DRAXIN: variants seen among roughly 807,000 people sequenced by gnomAD.
DRAXIN encodes the protein dorsal inhibitory axon guidance protein.
A neutral mutation model predicts 33.9 loss-of-function variants in DRAXIN; 27 were observed. That is an observed-to-expected ratio of 0.80 (90% CI 0.59 to 1.10). DRAXIN has a LOEUF of 1.10. Among genes scored for constraint, DRAXIN ranks in the 50% least tolerant of loss-of-function variants. The probability of loss-of-function intolerance (pLI) is 0.00; values close to 1 mark genes in which losing one functional copy is unlikely to be tolerated. For synonymous variants in DRAXIN, 178 were observed against 194.0 expected (o/e 0.92, Z 0.69); for missense variants, 371 against 460.8 (o/e 0.81, Z 1.78).
In DRAXIN at chr1:11,710,758, C is replaced by CAAA. The variant is rs1222886420; in HGVS notation, c.643-1079_643-1077dup. Among the ~76,000 whole-genome samples the CAAA allele has an allele frequency of 8.1e-3, 853 of 105,244 alleles. 18 individuals are homozygous for CAAA. Among genetic ancestry groups the CAAA allele is most frequent in the African/African-American group, 0.024 (703 of 28,812 alleles). 69.0% of individuals were successfully genotyped at this position (105,244 alleles called of 152,430 possible). A position where few individuals can be genotyped will look rare whatever the true frequency, so the allele number is the denominator to read the frequency against. On this transcript the variant is annotated intron_variant, in intron 3 of 6. Coordinates refer to ENST00000294485, the MANE Select transcript of DRAXIN (RefSeq NM_198545.4). The stretch of plus-strand genomic sequence containing the variant: ...TGAAACCCCATCTCTACTAAAAATA[C>CAAA]AAAAAAAAAAAAAAAATAGCCGGGC...
At position 11,705,645 on chromosome 1, in the gene DRAXIN, C is replaced by T. The variant is rs1172357520; in HGVS notation, c.-10-604C>T. 6.6e-6 allele frequency among the ~76,000 whole-genome samples: 1 copy of T among 152,202 alleles called. No homozygotes were observed. Among genetic ancestry groups the T allele is most frequent in the Non-Finnish European group, 1.5e-5 (1 of 68,038 alleles). On this transcript the variant is annotated intron_variant, in intron 1 of 6. Coordinates refer to ENST00000294485, the MANE Select transcript of DRAXIN (RefSeq NM_198545.4). The surrounding 1 kb of genome is among the most constrained non-coding windows in gnomAD (Gnocchi z 4.8). ...ACTTACTAGGTGTGACTTAACCTCT[C>T]TGAGCCTTCATTGCCACTTCAGAAA...
chr1:11,697,519 G>A (rs1641211074), intron 1 of DRAXIN, among the ~76,000 whole-genome samples: 1 of 152,198 alleles, frequency 6.6e-6, no homozygotes, highest in East Asian at 1.9e-4. Context: ...CATGGGCTAG[G>A]TCCCCTAATA....
At chr1:11,713,198 CA>C (rs58232887) in intron 5 of DRAXIN, among the ~76,000 whole-genome samples, 52,425 of 144,762 alleles carry the variant, frequency 0.36, 10,637 homozygotes, top group African/African-American at 0.58. Context: ...AATTCCGTCT[CA>C]AAAAAAAAAA....
Position 11,720,658 on chromosome 1 carries a change from G to A in DRAXIN, c.*962G>A, listed in dbSNP as rs1450308564. The A allele has an allele frequency of 6.6e-6, 1 of 150,942 alleles. No individual in the cohort carries two copies. Among genetic ancestry groups the A allele is most frequent in the Non-Finnish European group, 1.5e-5 (1 of 68,048 alleles). The allele number at this position is 150,942 out of a possible 1,614,324, so 9.4% of individuals were successfully genotyped here. ...CTCTGTGCTCTAACAAGCTCCCAGG[G>A]AACGCGAGGCTGCTGGCCCAGGGAC... On this transcript the variant is annotated 3_prime_UTR_variant, in exon 7 of 7. Transcript: ENST00000294485.
At chr1:11,719,538 C>A in intron 6 of DRAXIN, 46 bp from the exon 7 acceptor site, 2 of 1,520,062 alleles carry the variant, frequency 1.3e-6, no homozygotes, top group South Asian at 1.2e-5. Context: ...AAGGGGAGGG[C>A]ACGGGCCCTT....
At position 11,692,952 on chromosome 1, in the gene DRAXIN, G is replaced by A. The variant is rs1270391808; in HGVS notation, c.-11+1099G>A. On this transcript the variant is annotated intron_variant, in intron 1 of 6. Transcript: ENST00000294485. The surrounding 1 kb of genome is among the most constrained non-coding windows in gnomAD (Gnocchi z 5.8). ...TTCACACACCCTGTGGAGGAAGGGA[G>A]GGGAGGGGAGGGGAGTCTACAGACC... Among the ~76,000 whole-genome samples the A allele has an allele frequency of 1.3e-5, 2 of 151,918 alleles. No homozygotes were observed. Among genetic ancestry groups the A allele is most frequent in the Non-Finnish European group, 2.9e-5 (2 of 67,962 alleles).
chr1:11,711,561 C>T (rs567476703), intron 3 of DRAXIN, among the ~76,000 whole-genome samples: 5 of 152,360 alleles, frequency 3.3e-5, no homozygotes, highest in African/African-American at 1.2e-4. Flanking sequence ...CCTTCCCAGC[C>T]TGCAGGTGGT....
At chr1:11,691,948 G>A (rs1046127220) in intron 1 of DRAXIN, 95 bp downstream of exon 1, 1 of 151,944 alleles carries the variant, frequency 6.6e-6, no homozygotes, top group Non-Finnish European at 1.5e-5. Flanking sequence ...GCGCCCAGGG[G>A]CGGGGTGCGC....
chr1:11,714,450 G>A (rs1641543214), intron 5 of DRAXIN, among the ~76,000 whole-genome samples: 1 of 152,232 alleles, frequency 6.6e-6, no homozygotes, highest in African/African-American at 2.4e-5. Flanking sequence ...GGGCCAAGGT[G>A]GCCCTGAAGC....
intron 1 of DRAXIN, among the ~76,000 whole-genome samples, chr1:11,693,770 C>T (rs1002732325): frequency 9.2e-5 from 14 of 152,320 alleles, no homozygotes; most frequent in African/African-American, 3.1e-4. Flanking sequence ...GAACCTTGCT[C>T]AGGTCCTCTC....
intron 1 of DRAXIN, among the ~76,000 whole-genome samples, chr1:11,695,772 C>T (rs1322342453): frequency 1.3e-5 from 2 of 152,088 alleles, no homozygotes; most frequent in African/African-American, 4.8e-5. Flanking sequence ...CTGAGGGTTG[C>T]TTCCCCCACC....
chr1:11,715,673 G>C (rs913101043), intron 6 of DRAXIN, among the ~76,000 whole-genome samples: 3 of 152,164 alleles, frequency 2.0e-5, no homozygotes, highest in Admixed American at 6.5e-5. Context: ...CACTTGCCCA[G>C]CTGCCTCTTC....
At position 11,711,709 on chromosome 1, in the gene DRAXIN, C is replaced by T. The variant is rs114057756; in HGVS notation, c.643-142C>T. The T allele has an allele frequency of 5.7e-3, 4,032 of 708,658 alleles. 27 individuals carry two copies. Among genetic ancestry groups the T allele is most frequent in the Non-Finnish European group, 6.8e-3 (2,869 of 419,762 alleles). 43.9% of individuals were successfully genotyped at this position (708,658 alleles called of 1,614,324 possible). On this transcript the variant is annotated intron_variant, in intron 3 of 6. Transcript: ENST00000294485. The stretch of plus-strand genomic sequence containing the variant: ...AGCCTCCGGCAGCCATCTTTATGTC[C>T]TTGGGCTGAGACTCCAGGCTGCCCA...
In DRAXIN at chr1:11,719,736, A is replaced by C; in HGVS notation, c.*40A>C. On this transcript the variant is annotated 3_prime_UTR_variant, in exon 7 of 7. Transcript: ENST00000294485. ...TGGGGACTGAGCCCAGGAGGTTTGC[A>C]CAAGCCGGGCGATTTGTTTGTAACT... 6.4e-7 allele frequency: 1 copy of C among 1,565,618 alleles called. No individual in the cohort carries two copies. Among genetic ancestry groups the C allele is most frequent in the Non-Finnish European group, 8.8e-7 (1 of 1,140,408 alleles).
upstream of DRAXIN, among the ~76,000 whole-genome samples, chr1:11,691,105 ACT>A (rs1390686765): frequency 2.0e-5 from 3 of 151,080 alleles, no homozygotes; most frequent in African/African-American, 7.3e-5. Context: ...CCGCCTGCCC[ACT>A]CTGCGCACTT....
In DRAXIN at chr1:11,706,929, C is replaced by A. The variant is rs1042079839; in HGVS notation, c.451+220C>A. ...TGTGTTGCAATACAATCTGTCTTAT[C>A]GCGGCCCGGTGCCGTGGCTCACGCT... On this transcript the variant is annotated intron_variant, in intron 2 of 6. Coordinates refer to ENST00000294485, the MANE Select transcript of DRAXIN (RefSeq NM_198545.4). This position sits in a 1 kb window ranked among gnomAD's most constrained non-coding sequence, Gnocchi z 5.5. 6.6e-6 allele frequency among the ~76,000 whole-genome samples: 1 copy of A among 152,140 alleles called. No individual in the cohort carries two copies. The highest frequency in any genetic ancestry group is 1.5e-5 in the Non-Finnish European group (1 of 68,030).
rs567331071 is a variant in DRAXIN, at chr1:11,700,269, A to G, written c.-10-5980A>G. ...AATATAAATAAAGTAAACCAATGAG[A>G]AAAAAAGAAGCTGTTCTCCATGATA... is the stretch of plus-strand genomic sequence containing the variant. On this transcript the variant is annotated intron_variant, in intron 1 of 6. Coordinates refer to ENST00000294485, the MANE Select transcript of DRAXIN (RefSeq NM_198545.4). Among the ~76,000 whole-genome samples the G allele has an allele frequency of 9.8e-5, 15 of 152,330 alleles. No individual in the cohort carries two copies. In the East Asian group the frequency reaches 2.9e-3, roughly 29 times the overall value.
At chr1:11,713,832 A>G (rs1553170936) in intron 5 of DRAXIN, among the ~76,000 whole-genome samples, 1 of 152,142 alleles carries the variant, frequency 6.6e-6, no homozygotes, top group Non-Finnish European at 1.5e-5. Flanking sequence ...CAAGGTCAGG[A>G]GTTCAAGACC....
chr1:11,699,230 T>C (rs1294436538), intron 1 of DRAXIN, among the ~76,000 whole-genome samples: 1 of 152,164 alleles, frequency 6.6e-6, no homozygotes, highest in Non-Finnish European at 1.5e-5. Context: ...ATGTTTTGAG[T>C]AGTGCAAATC....
Sources: gnomAD v4.1 joint callset for allele counts (sites outside exome capture counted in the v4.1 genomes callset) on GRCh38, gnomAD v4.1.1 for gene constraint, Gnocchi (gnomAD v3.1) non-coding constraint, MANE v1.5 for transcripts, NCBI Gene and HGNC (gene_info 2026-07-23, HGNC 2026-07-21) for gene names.